The following ADAT1 variants were observed in gnomAD, a reference collection of about 807,000 sequenced individuals.
The protein encoded by ADAT1 is adenosine deaminase tRNA specific 1.
ADAT1 carries 58 observed loss-of-function variants against 58.6 expected under a neutral mutation model. That is an observed-to-expected ratio of 0.99 (90% CI 0.80 to 1.23). ADAT1 has a LOEUF of 1.23. Among genes scored for constraint, ADAT1 ranks in the 50% most tolerant of loss-of-function variants. The pLI is 0.00. For synonymous variants in ADAT1, 254 were observed against 220.8 expected (o/e 1.15, Z -1.33); for missense variants, 741 against 608.6 (o/e 1.22, Z -2.29).
chr16:75,616,153 C>T (rs140697770), intron 5 of ADAT1, among the ~76,000 whole-genome samples: 229 of 152,122 alleles, frequency 1.5e-3, no homozygotes, highest in African/African-American at 5.3e-3. Context: ...GGATTACAGG[C>T]ATGCACCACC....
At chr16:75,610,597 T>A (rs2081502301) in intron 6 of ADAT1, among the ~76,000 whole-genome samples, 1 of 152,180 alleles carries the variant, frequency 6.6e-6, no homozygotes, top group Non-Finnish European at 1.5e-5. Flanking sequence ...GTACTTGGCC[T>A]ACTTGTGTGA....
In ADAT1 at chr16:75,598,647, T is replaced by C. The variant is rs541880352; in HGVS notation, c.*1569A>G. On this transcript the variant is annotated 3_prime_UTR_variant, in exon 10 of 10. Coordinates refer to ENST00000564657, the MANE Select transcript of ADAT1 (RefSeq NM_001324445.2). ...GATTCTCCTGCCTCAGCCTCCCAAGTAGCTGGGACTACAGGCGTGCACCAC... is the reference window on the plus strand; with the variant it reads ...GATTCTCCTGCCTCAGCCTCCCAAGCAGCTGGGACTACAGGCGTGCACCAC... Among the ~76,000 whole-genome samples the C allele has an allele frequency of 6.6e-6, 1 of 151,686 alleles. No homozygotes were observed. The highest frequency in any genetic ancestry group is 2.4e-5 in the African/African-American group (1 of 41,294).
In ADAT1 at chr16:75,612,666, T is replaced by C. The variant is rs1307271978; in HGVS notation, c.620A>G (p.Glu207Gly). Residue 207 changes from glutamate to glycine, a missense_variant, in exon 6 of 10, where the codon GAG (glutamate) becomes GGG (glycine). By Grantham distance (98) the Glu-to-Gly change is moderately conservative (BLOSUM62 -2). Transcript: ENST00000564657. Reference protein sequence around the residue: ...MRLEPGTAAREVTNGAAHHQS... With the variant: ...MRLEPGTAARGVTNGAAHHQS... ...ATGGTGAGCTGCTCCGTTGGTGACC[T>C]CCCTGGCTGCAGTCCCAGGCTCAAG... The C allele has an allele frequency of 1.2e-6, 2 of 1,614,100 alleles. 1 individual carries two copies. The highest frequency in any genetic ancestry group is 2.2e-5 in the South Asian group (2 of 91,086).
Position 75,599,520 on chromosome 16 carries a change from T to C in ADAT1, c.*696A>G, listed in dbSNP as rs2081167475. The C allele has an allele frequency of 2.0e-6, 2 of 985,806 alleles. No homozygotes were observed. The highest frequency in any genetic ancestry group is 6.1e-5 in the Admixed American group (1 of 16,264). 61.1% of individuals were successfully genotyped at this position (985,806 alleles called of 1,614,324 possible). ...AGTGTTACTAGATCTTTGATTCTCT[T>C]GGCTGTTTCCTTTGTTGCCTTCATT... On this transcript the variant is annotated 3_prime_UTR_variant, in exon 10 of 10. Transcript: ENST00000564657.
intron 3 of ADAT1, among the ~76,000 whole-genome samples, chr16:75,619,040 C>T (rs1401467830): frequency 6.6e-6 from 1 of 152,142 alleles, no homozygotes; most frequent in East Asian, 1.9e-4. Flanking sequence ...TATAGAAAAA[C>T]CTCATTCGGA....
At chr16:75,604,456 A>AAAATATAT (rs1555508674) in intron 8 of ADAT1, among the ~76,000 whole-genome samples, 1 of 48,784 alleles carries the variant, frequency 2.0e-5, no homozygotes, top group African/African-American at 1.4e-4. Context: ...AAAAAAAAAA[A>AAAATATAT]ATATATATAT....
rs777784163 is a variant in ADAT1, at chr16:75,612,839, C to G, written c.447G>C (p.Pro149=). The change falls in exon 6 of 10, where the codon CCG becomes CCC. Residue 149 remains proline (P), a synonymous_variant. Transcript: ENST00000564657. ...HTPCGDASII[P]MLEFEDQPCC... ...AAGGCTGATCTTCAAACTCAAGCAT[C>G]GGAATGATGGAGGCATCCCCACCTG... The G allele has an allele frequency of 6.2e-7, 1 of 1,613,728 alleles. No individual in the cohort carries two copies. The highest frequency in any genetic ancestry group is 1.7e-5 in the Admixed American group (1 of 59,938).
chr16:75,619,233 G>T (rs924185867), intron 3 of ADAT1, among the ~76,000 whole-genome samples: 1 of 152,090 alleles, frequency 6.6e-6, no homozygotes, highest in Non-Finnish European at 1.5e-5. Flanking sequence ...AAAGACCCCA[G>T]ATCTCGGCCA....
chr16:75,611,571 G>A (rs115401646), intron 6 of ADAT1, among the ~76,000 whole-genome samples: 1,971 of 151,738 alleles, frequency 0.013, 54 homozygotes, highest in African/African-American at 0.044. Context: ...TTGTAAAGAC[G>A]GGGTTTCCTC....
Position 75,599,145 on chromosome 16 carries a change from G to A in ADAT1, c.*1071C>T. Reference sequence around the variant, plus strand: ...CACCCAGGCTGGAGTGCAGCGGTACGATCTTTGCTCACCACTACCTCCGCC... The same window carrying A: ...CACCCAGGCTGGAGTGCAGCGGTACAATCTTTGCTCACCACTACCTCCGCC... On this transcript the variant is annotated 3_prime_UTR_variant, in exon 10 of 10. Transcript: ENST00000564657. 5 of 962,044 alleles carry A rather than the reference G, an allele frequency of 5.2e-6. No individual in the cohort carries two copies. The highest frequency in any genetic ancestry group is 6.1e-6 in the Non-Finnish European group (5 of 819,220). 59.6% of individuals were successfully genotyped at this position (962,044 alleles called of 1,614,324 possible).
Position 75,623,060 on chromosome 16 carries a change from C to CCGCGCGCGG in ADAT1, c.-680_-679insCCGCGCGCG, listed in dbSNP as rs112935797. 1.3e-5 allele frequency: 2 copies of CCGCGCGCGG among 152,036 alleles called. No individual in the cohort carries two copies. Among genetic ancestry groups the CCGCGCGCGG allele is most frequent in the Non-Finnish European group, 2.9e-5 (2 of 68,038 alleles). The allele number at this position is 152,036 out of a possible 1,614,324, so 9.4% of individuals were successfully genotyped here. ...CGGCTGCCAGGCCAGAGGCCCCGCG[C>CCGCGCGCGG]CAGGAGCTCTTCAGGCGCCGGCTGC... is the stretch of plus-strand genomic sequence containing the variant. On this transcript the variant is annotated 5_prime_UTR_variant, in exon 1 of 10. Transcript: ENST00000564657.
intron 9 of ADAT1, 121 bp downstream of exon 9, chr16:75,602,953 GAACTTGTGGTC>G: frequency 1.3e-6 from 1 of 751,172 alleles, no homozygotes; most frequent in Admixed American, 2.2e-5. Flanking sequence ...GGGGAAAGAA[GAACTTGTGGTC>G]AACAATAAGT....
intron 5 of ADAT1, among the ~76,000 whole-genome samples, chr16:75,614,225 C>G (rs907790807): frequency 1.3e-5 from 2 of 152,098 alleles, no homozygotes; most frequent in African/African-American, 4.8e-5. Context: ...AACCATTGCT[C>G]AGAATTTCCC....
At position 75,622,734 on chromosome 16, in the gene ADAT1, AT is replaced by A; in HGVS notation, c.-354del. ...AAAATAACAGCTCAGCTAAACAGGC[AT>A]TTATTTGCCCACAAGACCGCATCTC... On this transcript the variant is annotated 5_prime_UTR_variant, in exon 1 of 10. It adds an upstream start codon to the 5' untranslated region. Coordinates refer to ENST00000564657, the MANE Select transcript of ADAT1 (RefSeq NM_001324445.2). 6.6e-6 allele frequency: 1 copy of A among 152,358 alleles called. No homozygotes were observed. The highest frequency in any genetic ancestry group is 2.1e-4 in the South Asian group (1 of 4,826). The allele number at this position is 152,358 out of a possible 1,614,324, so 9.4% of individuals were successfully genotyped here.
chr16:75,613,542 C>G (rs1567477651), intron 5 of ADAT1, among the ~76,000 whole-genome samples: 1 of 152,146 alleles, frequency 6.6e-6, no homozygotes, highest in African/African-American at 2.4e-5. Flanking sequence ...GACTCCTGAC[C>G]TCGAGTGATC....
chr16:75,609,277 A>G (rs2081454115), intron 6 of ADAT1, among the ~76,000 whole-genome samples: 1 of 152,238 alleles, frequency 6.6e-6, no homozygotes, highest in Non-Finnish European at 1.5e-5. Flanking sequence ...GAAAAGTTTA[A>G]GCAGAAACAT....
At chr16:75,608,483 T>C (rs1043322464) in intron 7 of ADAT1, 160 bp from the exon 8 acceptor site, 2 of 620,410 alleles carry the variant, frequency 3.2e-6, no homozygotes, top group African/African-American at 1.8e-5. Flanking sequence ...CAGGGTACAG[T>C]AGTCTAAGTG....
At chr16:75,603,767 T>C (rs1326707169) in intron 8 of ADAT1, among the ~76,000 whole-genome samples, 2 of 152,190 alleles carry the variant, frequency 1.3e-5, no homozygotes, top group East Asian at 1.9e-4. Flanking sequence ...TTTTCCCTCA[T>C]GTATACAATT....
At chr16:75,609,603 T>C (rs1487979595) in intron 6 of ADAT1, among the ~76,000 whole-genome samples, 1 of 152,234 alleles carries the variant, frequency 6.6e-6, no homozygotes. Context: ...AGTATATTCA[T>C]AGAACTGTAC....
Sources: gnomAD v4.1 joint callset for allele counts (sites outside exome capture counted in the v4.1 genomes callset) on GRCh38, gnomAD v4.1.1 for gene constraint, MANE v1.5 for transcripts, NCBI Gene and HGNC (gene_info 2026-07-23, HGNC 2026-07-21) for gene names.